Variants in RNLS observed in about 807,000 individuals in gnomAD.
RNLS encodes the protein renalase, FAD dependent amine oxidase, also known as renalase.
In RNLS, 39 loss-of-function variants were observed where a neutral mutation model predicts 39.8. The ratio of observed to expected loss-of-function variants is 0.98; its 90% CI spans 0.76 to 1.28. The LOEUF (loss-of-function observed/expected upper bound fraction) is 1.28, where lower values mean the gene tolerates loss of function less well. Ranked by LOEUF, RNLS falls within the 50% of genes most tolerant of loss-of-function variation. The pLI, the probability that RNLS is intolerant of heterozygous loss-of-function variation, is 0.00. For missense variants in RNLS, 410 were observed against 413.3 expected (o/e 0.99, Z 0.07); for synonymous variants, 147 against 150.7 (o/e 0.98, Z 0.18).
intron 4 of RNLS, among the ~76,000 whole-genome samples, chr10:88,393,977 ACTGG>A (rs1184882745): frequency 7.9e-5 from 12 of 152,210 alleles, no homozygotes; most frequent in Non-Finnish European, 1.8e-4. Flanking sequence ...TGCTGGGAAA[ACTGG>A]CTAGCCATAT....
chr10:88,537,362 A>AC (rs2134266922), intron 4 of RNLS, among the ~76,000 whole-genome samples: 1 of 152,336 alleles, frequency 6.6e-6, no homozygotes, highest in East Asian at 1.9e-4. Flanking sequence ...GTATATATGC[A>AC]ACAGAAATAT....
At chr10:88,304,133 C>A (rs1236346262) in intron 6 of RNLS, among the ~76,000 whole-genome samples, 1 of 152,196 alleles carries the variant, frequency 6.6e-6, no homozygotes, top group Non-Finnish European at 1.5e-5. Context: ...TTGGTTTAAT[C>A]AACCTTATGC....
At chr10:88,315,907 T>C (rs1259700928) in intron 5 of RNLS, among the ~76,000 whole-genome samples, 1 of 152,054 alleles carries the variant, frequency 6.6e-6, no homozygotes, top group East Asian at 1.9e-4. Context: ...AAATCTAAGC[T>C]ATGGGAATGG....
intron 5 of RNLS, among the ~76,000 whole-genome samples, chr10:88,331,709 G>A (rs1200421474): frequency 1.3e-5 from 2 of 152,140 alleles, no homozygotes; most frequent in Non-Finnish European, 2.9e-5. Context: ...CTTTCTCATG[G>A]CGGTGGAGGT....
downstream of RNLS, among the ~76,000 whole-genome samples, chr10:88,280,325 C>T (rs1473614569): frequency 3.9e-5 from 6 of 152,152 alleles, no homozygotes; most frequent in South Asian, 2.1e-4. Context: ...TAGATTAAAG[C>T]GCAGATCTAA....
chr10:88,516,838 A>G (rs564204564), intron 4 of RNLS, among the ~76,000 whole-genome samples: 1 of 152,074 alleles, frequency 6.6e-6, no homozygotes, highest in Non-Finnish European at 1.5e-5. Flanking sequence ...ACAGCATTTA[A>G]AACCATCTAC....
intron 4 of RNLS, among the ~76,000 whole-genome samples, chr10:88,390,336 T>A (rs779543010): frequency 1.3e-5 from 2 of 152,202 alleles, no homozygotes; most frequent in Non-Finnish European, 2.9e-5. Context: ...AGGCCCTTCT[T>A]TGAGGACCTA....
chr10:88,322,706 C>A lies in RNLS; in HGVS notation c.701-8065G>T, dbSNP rs528470876. Among the ~76,000 whole-genome samples the A allele has an allele frequency of 5.3e-5, 8 of 152,240 alleles. No homozygotes were observed. In the South Asian group the frequency reaches 1.7e-3, roughly 32 times the overall value. On this transcript the variant is annotated intron_variant, in intron 5 of 6. Coordinates refer to ENST00000331772, the MANE Select transcript of RNLS (RefSeq NM_001031709.3). ...AGCAGTGTAAAAATGGACTAATACA[C>A]TCCCTAGGAATGGGAGCAAGACAAG... is the stretch of plus-strand genomic sequence containing the variant.
intron 4 of RNLS, among the ~76,000 whole-genome samples, chr10:88,427,851 T>C (rs569009438): frequency 5.9e-5 from 9 of 152,064 alleles, no homozygotes; most frequent in Non-Finnish European, 8.8e-5. Flanking sequence ...TCACTTCATA[T>C]AGGAAGCAAC....
chr10:88,363,495 C>T (rs1849798761), intron 4 of RNLS, among the ~76,000 whole-genome samples: 1 of 152,054 alleles, frequency 6.6e-6, no homozygotes. Flanking sequence ...GTTTGCCTGT[C>T]ATTTTTCTGC....
At chr10:88,452,253 T>A (rs1412373172) in intron 4 of RNLS, among the ~76,000 whole-genome samples, 1 of 152,164 alleles carries the variant, frequency 6.6e-6, no homozygotes, top group Non-Finnish European at 1.5e-5. Flanking sequence ...AAAGATCATA[T>A]CAAGTGGTCA....
chr10:88,397,939 T>C (rs1410496875), intron 4 of RNLS, among the ~76,000 whole-genome samples: 1 of 152,020 alleles, frequency 6.6e-6, no homozygotes, highest in African/African-American at 2.4e-5. Flanking sequence ...CATATATCTA[T>C]AGTAAATTGA....
chr10:88,582,894 G>T (rs1021159476), intron 1 of RNLS, among the ~76,000 whole-genome samples, 179 bp downstream of exon 1: 3 of 152,172 alleles, frequency 2.0e-5, no homozygotes, highest in Non-Finnish European at 4.4e-5. Context: ...CCGGGCGGCG[G>T]AAGTCCCCGA....
At chr10:88,340,814 C>T (rs1187521312) in intron 5 of RNLS, among the ~76,000 whole-genome samples, 2 of 152,088 alleles carry the variant, frequency 1.3e-5, no homozygotes, top group African/African-American at 2.4e-5. Flanking sequence ...GTAATCCCAG[C>T]ACTTTGGGAG....
chr10:88,461,233 A>G (rs1842919849), intron 4 of RNLS, among the ~76,000 whole-genome samples: 1 of 152,100 alleles, frequency 6.6e-6, no homozygotes, highest in South Asian at 2.1e-4. Flanking sequence ...CCAGGGCTCA[A>G]GCAGAAATTA....
the RNLS span, among the ~76,000 whole-genome samples, chr10:88,172,045 A>T: frequency 3.9e-5 from 6 of 152,298 alleles, no homozygotes; most frequent in African/African-American, 1.4e-4. Context: ...TAGAAAAGGC[A>T]CACTACATTT....
In RNLS at chr10:88,310,629, A is replaced by G. The variant is rs879743834; in HGVS notation, c.876+3837T>C. Among the ~76,000 whole-genome samples the G allele has an allele frequency of 5.4e-4, 82 of 151,790 alleles. 1 individual carries two copies. The highest frequency in any genetic ancestry group is 1.3e-3 in the Admixed American group (20 of 15,228). Reference sequence around the variant, plus strand: ...AACATAGCAAGACCCCGTGACTACAAACATTTTAAAAAATTAACCGGGAAC... The same window carrying G: ...AACATAGCAAGACCCCGTGACTACAGACATTTTAAAAAATTAACCGGGAAC... On this transcript the variant is annotated intron_variant, in intron 6 of 6. Coordinates refer to ENST00000331772, the MANE Select transcript of RNLS (RefSeq NM_001031709.3).
chr10:88,440,957 C>T (rs977220515), intron 4 of RNLS, among the ~76,000 whole-genome samples: 8 of 152,070 alleles, frequency 5.3e-5, no homozygotes, highest in South Asian at 2.1e-4. Flanking sequence ...TCAGTGTACA[C>T]GATCTAAGGG....
intron 3 of RNLS, 44 bp from the exon 4 acceptor site, chr10:88,573,105 A>G (rs764820517): frequency 1.3e-6 from 2 of 1,592,060 alleles, no homozygotes; most frequent in East Asian, 2.2e-5. Flanking sequence ...AGAATTGCAT[A>G]TATGAATAAA....
Sources: allele counts gnomAD v4.1 joint callset (sites outside exome capture counted in the v4.1 genomes callset), GRCh38; gene constraint gnomAD v4.1.1; transcripts MANE v1.5; gene names NCBI Gene and HGNC (gene_info 2026-07-23, HGNC 2026-07-21).